VPS13B: variants seen among roughly 807,000 people sequenced by gnomAD.
VPS13B encodes the protein intermembrane lipid transfer protein VPS13B.
Under a neutral mutation model 426.4 loss-of-function variants are expected in VPS13B, and 285 were observed. That is an observed-to-expected ratio of 0.67 (90% CI 0.61 to 0.74). The LOEUF (loss-of-function observed/expected upper bound fraction) is 0.74. Ranked by LOEUF, VPS13B falls within the 30% of genes least tolerant of loss-of-function variation. The pLI is 0.00. For synonymous variants in VPS13B, 1,676 were observed against 1,676.4 expected (o/e 1.00, Z 0.01); for missense variants, 4,537 against 4,782.6 (o/e 0.95, Z 1.51).
chr8:99,439,973 A>G (rs1817601319), intron 22 of VPS13B, among the ~76,000 whole-genome samples: 1 of 152,162 alleles, frequency 6.6e-6, no homozygotes, highest in South Asian at 2.1e-4. Flanking sequence ...TTATTAAAAT[A>G]AGAATAACAA....
intron 17 of VPS13B, among the ~76,000 whole-genome samples, chr8:99,205,184 A>G (rs561686772): frequency 4.6e-5 from 7 of 152,242 alleles, no homozygotes; most frequent in Non-Finnish European, 7.3e-5. Flanking sequence ...ATAAAAATTG[A>G]TGAGTTCATG....
At position 99,875,634 on chromosome 8, in the gene VPS13B, A is replaced by C. The variant is rs970294731; in HGVS notation, c.11962A>C (p.Lys3988Gln). Residue 3988 changes from lysine (K) to glutamine (Q), a missense_variant, in exon 62 of 62, where the codon AAA (lysine) becomes CAA (glutamine). By Grantham distance (53) the Lys-to-Gln change is moderately conservative (BLOSUM62 1). Around this residue, in one of 2 missense-constraint regions of VPS13B, gnomAD observed 4,311 missense variants for 4,474.3 expected, o/e 0.96. Coordinates refer to ENST00000357162, the MANE Select transcript of VPS13B (RefSeq NM_152564.5). ...CTTCCTTAGTAAATTTACCATGGTG[A>C]AAAATAAAGCCCTGAGGAAAGGGTT... ...QVFLSKFTMV[K>Q]NKALRKGFP 6.2e-7 allele frequency: 1 copy of C among 1,614,222 alleles called. No individual in the cohort carries two copies. The highest frequency in any genetic ancestry group is 8.5e-7 in the Non-Finnish European group (1 of 1,180,038).
rs1823234152 is a variant in VPS13B, at chr8:99,536,583, A to C, written c.4745+15573A>C. ...AACATAGAGTGCATAGCTTCTGTAA[A>C]GGAAATAATGTTTTGTATCCTGGGA... On this transcript the variant is annotated intron_variant, in intron 30 of 61. Transcript: ENST00000357162. 4 of 520,968 alleles carry C rather than the reference A, an allele frequency of 7.7e-6. No homozygotes were observed. The African/African-American group carries it at 7.8e-5, about 10-fold the overall frequency. 32.3% of individuals were successfully genotyped at this position (520,968 alleles called of 1,614,324 possible).
At chr8:99,057,980 T>C (rs1430907131) in intron 3 of VPS13B, among the ~76,000 whole-genome samples, 1 of 152,230 alleles carries the variant, frequency 6.6e-6, no homozygotes, top group African/African-American at 2.4e-5. Flanking sequence ...TCAGTGATTT[T>C]CTCAGATCAT....
intron 35 of VPS13B, chr8:99,697,212 A>G (rs1177862768): frequency 5.3e-6 from 3 of 565,512 alleles, no homozygotes; most frequent in African/African-American, 1.9e-5. Context: ...GCAAGTGCAC[A>G]AGGTAAAGCT....
At chr8:99,469,570 A>G (rs1200770766) in intron 24 of VPS13B, among the ~76,000 whole-genome samples, 1 of 152,150 alleles carries the variant, frequency 6.6e-6, no homozygotes, top group Non-Finnish European at 1.5e-5. Context: ...CCATAGTGAT[A>G]TAGAAGAAAA....
chr8:99,111,403 T>C lies in VPS13B; in HGVS notation c.762+124T>C, dbSNP rs1847359282. 3 of 706,228 alleles carry C rather than the reference T, an allele frequency of 4.2e-6. No homozygotes were observed. The East Asian group carries it at 9.2e-5, about 22-fold the overall frequency. The allele number at this position is 706,228 out of a possible 1,614,324, so 43.7% of individuals were successfully genotyped here. On this transcript the variant is annotated intron_variant, in intron 6 of 61. Coordinates refer to ENST00000357162, the MANE Select transcript of VPS13B (RefSeq NM_152564.5). ...TTGTAAATATGTATGCCATTTGTTTTTATAAAAATTTTATTTATGTTTATG... is the reference window on the plus strand; with the variant it reads ...TTGTAAATATGTATGCCATTTGTTTCTATAAAAATTTTATTTATGTTTATG...
chr8:99,053,132 ATTTAT>A (rs1563508795), intron 3 of VPS13B, among the ~76,000 whole-genome samples: 8 of 151,064 alleles, frequency 5.3e-5, no homozygotes, highest in Non-Finnish European at 1.0e-4. Context: ...TTATTTAATT[ATTTAT>A]TTATTTTTTA....
intron 23 of VPS13B, among the ~76,000 whole-genome samples, chr8:99,459,071 T>A (rs1563741614): frequency 6.6e-6 from 1 of 152,230 alleles, no homozygotes; most frequent in Non-Finnish European, 1.5e-5. Context: ...TTTAAGTCCA[T>A]TGTGGTCAGA....
chr8:99,313,533 C>T lies in VPS13B; in HGVS notation c.2824+38279C>T, dbSNP rs184375988. Among the ~76,000 whole-genome samples the T allele has an allele frequency of 3.6e-3, 550 of 152,228 alleles. 3 individuals carry two copies. Among genetic ancestry groups the T allele is most frequent in the Non-Finnish European group, 5.5e-3 (371 of 68,008 alleles). On this transcript the variant is annotated intron_variant, in intron 19 of 61. Coordinates refer to ENST00000357162, the MANE Select transcript of VPS13B (RefSeq NM_152564.5). ...TGCCTGATCGTTCCTCTGGAAGCTT[C>T]GTCTCAGAGGGGTAGCCGGCCCTGT...
chr8:99,770,461 A>G (rs1811427574), intron 40 of VPS13B, among the ~76,000 whole-genome samples: 1 of 151,934 alleles, frequency 6.6e-6, no homozygotes, highest in South Asian at 2.1e-4. Flanking sequence ...AGGTTCTGAC[A>G]GGAAACAGAT....
chr8:99,414,441 G>T (rs1815875217), intron 21 of VPS13B, among the ~76,000 whole-genome samples: 1 of 152,096 alleles, frequency 6.6e-6, no homozygotes. Context: ...ATTGTTATGT[G>T]TGAATTTGAT....
intron 36 of VPS13B, among the ~76,000 whole-genome samples, chr8:99,706,701 A>G (rs181269110): frequency 1.1e-3 from 175 of 152,330 alleles, no homozygotes; most frequent in Non-Finnish European, 1.3e-3. Context: ...CATTGGACAC[A>G]TAATTCCAGC....
intron 44 of VPS13B, 69 bp downstream of exon 44, chr8:99,809,599 A>T: frequency 6.3e-7 from 1 of 1,595,100 alleles, no homozygotes; most frequent in African/African-American, 1.3e-5. Flanking sequence ...GAAAATAATT[A>T]ATAATTTTTT....
At chr8:99,183,405 G>T (rs761254528) in intron 16 of VPS13B, among the ~76,000 whole-genome samples, 9 of 152,048 alleles carry the variant, frequency 5.9e-5, no homozygotes, top group Non-Finnish European at 1.3e-4. Context: ...CATACATATT[G>T]AAATGCTCAG....
chr8:99,318,450 T>A (rs1809789212), intron 19 of VPS13B, among the ~76,000 whole-genome samples: 1 of 152,182 alleles, frequency 6.6e-6, no homozygotes, highest in African/African-American at 2.4e-5. Flanking sequence ...AATAAACAAA[T>A]TTAAATTATG....
chr8:99,399,146 G>T (rs1814903694), intron 21 of VPS13B, among the ~76,000 whole-genome samples: 1 of 152,104 alleles, frequency 6.6e-6, no homozygotes, highest in Non-Finnish European at 1.5e-5. Flanking sequence ...TCTATCTAAT[G>T]AAGTACATCT....
chr8:99,866,410 G>A, intron 58 of VPS13B, among the ~76,000 whole-genome samples: 1 of 152,330 alleles, frequency 6.6e-6, no homozygotes, highest in East Asian at 1.9e-4. Context: ...TGGTGTGTGT[G>A]ACAGGCCAGC....
chr8:99,322,745 C>T (rs1810046328), intron 19 of VPS13B, among the ~76,000 whole-genome samples: 1 of 152,028 alleles, frequency 6.6e-6, no homozygotes, highest in East Asian at 1.9e-4. Flanking sequence ...TTTGTATCTG[C>T]ATTTGTAAAG....
Sources: allele counts gnomAD v4.1 joint callset (sites outside exome capture counted in the v4.1 genomes callset), GRCh38; gene constraint gnomAD v4.1.1; regional missense constraint gnomAD v4.1.1; transcripts MANE v1.5; gene names NCBI Gene and HGNC (gene_info 2026-07-23, HGNC 2026-07-21).